Variants in XIRP2 observed in about 807,000 individuals in gnomAD.
XIRP2 encodes xin actin binding repeat containing 2.
Under a neutral mutation model 277.0 loss-of-function variants are expected in XIRP2, and 236 were observed. The observed-to-expected ratio is 0.85, with a 90% CI of 0.77 to 0.95. The LOEUF (loss-of-function observed/expected upper bound fraction) is 0.95. Among genes scored for constraint, XIRP2 ranks in the 40% least tolerant of loss-of-function variants. The pLI is 0.00. For synonymous variants in XIRP2, 1,490 were observed against 1,416.5 expected, an observed-to-expected ratio of 1.05 and a Z score of -1.17; for missense variants, 4,640 against 4,157.5, an observed-to-expected ratio of 1.12 and a Z score of -3.19.
At chr2:167,078,474 C>T (rs974826556) in intron 2 of XIRP2, among the ~76,000 whole-genome samples, 13 of 152,116 alleles carry the variant, frequency 8.5e-5, no homozygotes, top group African/African-American at 3.1e-4. Context: ...TTTCTCTTGC[C>T]TGCTTGCTCT....
At chr2:167,232,822 T>G (rs1694798925) in intron 5 of XIRP2, among the ~76,000 whole-genome samples, 1 of 151,872 alleles carries the variant, frequency 6.6e-6, no homozygotes, top group African/African-American at 2.4e-5. Flanking sequence ...GCAAATGTGA[T>G]ACTAACCCAG....
intron 1 of XIRP2, among the ~76,000 whole-genome samples, chr2:166,893,092 G>T (rs1036881886): frequency 1.3e-5 from 2 of 151,650 alleles, no homozygotes; most frequent in African/African-American, 4.8e-5. Context: ...AGAGATGACT[G>T]CAGTAAACTG....
At chr2:167,034,813 T>A (rs1282818616) in intron 2 of XIRP2, among the ~76,000 whole-genome samples, 1 of 152,176 alleles carries the variant, frequency 6.6e-6, no homozygotes, top group Non-Finnish European at 1.5e-5. Context: ...GTAAAGAGAT[T>A]GACCTGATAT....
chr2:166,979,334 G>A (rs1558936672), intron 2 of XIRP2, among the ~76,000 whole-genome samples: 1 of 150,180 alleles, frequency 6.7e-6, no homozygotes, highest in Non-Finnish European at 1.5e-5. Context: ...CTAGAAACTG[G>A]CTGTGTTTCC....
chr2:167,066,856 T>C (rs900504070), intron 2 of XIRP2, among the ~76,000 whole-genome samples: 1 of 152,138 alleles, frequency 6.6e-6, no homozygotes, highest in Non-Finnish European at 1.5e-5. Flanking sequence ...CTGGAGTACA[T>C]TATGCCAAGT....
chr2:167,094,329 G>A (rs770540182), intron 2 of XIRP2, among the ~76,000 whole-genome samples: 21 of 151,986 alleles, frequency 1.4e-4, no homozygotes, highest in South Asian at 2.1e-4. Context: ...ATTAGATCCC[G>A]TTTGTCAATT....
chr2:167,094,523 T>G (rs1690241386), intron 2 of XIRP2, among the ~76,000 whole-genome samples: 1 of 152,190 alleles, frequency 6.6e-6, no homozygotes, highest in African/African-American at 2.4e-5. Context: ...TAGTTTCAGT[T>G]TTCTGCATAT....
At chr2:167,168,428 GATTTTGTTTT>G (rs1692585642) in intron 3 of XIRP2, among the ~76,000 whole-genome samples, 1 of 151,590 alleles carries the variant, frequency 6.6e-6, no homozygotes, top group African/African-American at 2.4e-5. Flanking sequence ...TTTTTTGTTT[GATTTTGTTTT>G]GTTTTGTTTG....
At chr2:167,018,766 T>C (rs937778695) in intron 2 of XIRP2, among the ~76,000 whole-genome samples, 1 of 152,008 alleles carries the variant, frequency 6.6e-6, no homozygotes, top group Non-Finnish European at 1.5e-5. Context: ...CTTACTGACA[T>C]TTACGTAATT....
chr2:166,904,784 GT>G (rs1033706825), intron 2 of XIRP2, among the ~76,000 whole-genome samples: 42 of 151,956 alleles, frequency 2.8e-4, no homozygotes, highest in African/African-American at 9.4e-4. Context: ...TTGTTTGATT[GT>G]TTTTTTGTTT....
intron 2 of XIRP2, among the ~76,000 whole-genome samples, chr2:167,115,444 A>G (rs1035168376): frequency 6.6e-6 from 1 of 152,218 alleles, no homozygotes; most frequent in Non-Finnish European, 1.5e-5. Flanking sequence ...TTGAGCTGCC[A>G]GAGTCCTTGT....
chr2:167,177,053 A>C (rs1573935658), intron 3 of XIRP2, among the ~76,000 whole-genome samples: 1 of 152,330 alleles, frequency 6.6e-6, no homozygotes, highest in East Asian at 1.9e-4. Context: ...TATGGGAGAC[A>C]GTTGGTGGGC....
intron 2 of XIRP2, among the ~76,000 whole-genome samples, chr2:167,082,592 T>TGA (rs1388320453): frequency 3.9e-5 from 6 of 152,342 alleles, no homozygotes; most frequent in South Asian, 4.1e-4. Flanking sequence ...TTTCTCCACA[T>TGA]GCTCTCCAGC....
intron 3 of XIRP2, among the ~76,000 whole-genome samples, chr2:167,195,852 G>A (rs913831890): frequency 3.3e-5 from 5 of 152,134 alleles, no homozygotes; most frequent in African/African-American, 1.2e-4. Context: ...TCTGACTCTG[G>A]GCTGCAGGAG....
intron 2 of XIRP2, among the ~76,000 whole-genome samples, chr2:167,112,053 T>G (rs916418893): frequency 2.6e-5 from 4 of 152,126 alleles, no homozygotes; most frequent in African/African-American, 9.7e-5. Context: ...CCTTCTCTCT[T>G]TTTTGCTTTA....
intron 3 of XIRP2, among the ~76,000 whole-genome samples, chr2:167,207,353 A>C (rs1321654955): frequency 6.6e-6 from 1 of 152,132 alleles, no homozygotes; most frequent in Non-Finnish European, 1.5e-5. Flanking sequence ...ATTAGGAGAA[A>C]ATTCTAGAAT....
At chr2:167,090,375 T>A (rs1690105514) in intron 2 of XIRP2, among the ~76,000 whole-genome samples, 1 of 152,176 alleles carries the variant, frequency 6.6e-6, no homozygotes, top group African/African-American at 2.4e-5. Flanking sequence ...TCTTTAAATA[T>A]TGCTTTCTGC....
At chr2:166,939,679 C>CAAAAAAAAAAAAAAAAAAAAA (rs138977006) in intron 2 of XIRP2, among the ~76,000 whole-genome samples, 14 of 90,642 alleles carry the variant, frequency 1.5e-4, no homozygotes, top group East Asian at 2.9e-4. Context: ...GACTCCATCA[C>CAAAAAAAAAAAAAAAAAAAAA]AAAAAAAAAA....
chr2:167,191,457 AC>A (rs1559014151), intron 3 of XIRP2, among the ~76,000 whole-genome samples: 1 of 144,856 alleles, frequency 6.9e-6, no homozygotes, highest in African/African-American at 2.5e-5. Context: ...ACCCCAGCCC[AC>A]CCCCATGACT....
Sources: allele counts gnomAD v4.1 joint callset (sites outside exome capture counted in the v4.1 genomes callset), GRCh38; gene constraint gnomAD v4.1.1; transcripts MANE v1.5; gene names NCBI Gene and HGNC (gene_info 2026-07-23, HGNC 2026-07-21).